TSNAXIP1: variants seen among roughly 807,000 people sequenced by gnomAD.
The protein encoded by TSNAXIP1 is translin-associated factor X-interacting protein 1.
TSNAXIP1 carries 89 observed loss-of-function variants against 84.8 expected under a neutral mutation model. The observed-to-expected ratio is 1.05, with a 90% CI of 0.88 to 1.25. TSNAXIP1 has a LOEUF of 1.25. Ranked by LOEUF, TSNAXIP1 falls within the 50% of genes most tolerant of loss-of-function variation. The pLI is 0.00. For missense variants in TSNAXIP1, 874 were observed against 887.6 expected, an observed-to-expected ratio of 0.98 and a Z score of 0.20; for synonymous variants, 347 against 335.2, an observed-to-expected ratio of 1.04 and a Z score of -0.39.
intron 15 of TSNAXIP1, 59 bp downstream of exon 15, chr16:67,827,638 C>A: frequency 1.2e-6 from 2 of 1,611,488 alleles, no homozygotes; most frequent in East Asian, 2.2e-5. Flanking sequence ...GCCCCTGGGT[C>A]TCCCTGTGCA....
Position 67,823,654 on chromosome 16 carries a change from T to C in TSNAXIP1, c.416T>C (p.Ile139Thr), listed in dbSNP as rs749835290. The change falls in exon 5 of 16, where the codon ATA becomes ACA. Residue 139 changes from isoleucine (I) to threonine (T), a missense_variant. Transcript: ENST00000561639. ...TACAGAGAGATCTTTGAGTTCTTCA[T>C]AGAGGACTTCAAAACGTACAAGCCA... ...QPYREIFEFF[I>T]EDFKTYKPLL... 15 of 1,613,786 alleles carry C rather than the reference T, an allele frequency of 9.3e-6. No individual in the cohort carries two copies. Among genetic ancestry groups the C allele is most frequent in the African/African-American group, 2.7e-5 (2 of 74,896 alleles).
rs756337411 is a variant in TSNAXIP1, at chr16:67,826,116, T to G, written c.1145-36T>G. The G allele has an allele frequency of 2.4e-5, 39 of 1,613,194 alleles. No homozygotes were observed. The African/African-American group carries it at 3.6e-4, about 15-fold the overall frequency. On this transcript the variant is annotated intron_variant, in intron 9 of 15. Coordinates refer to ENST00000561639, the MANE Select transcript of TSNAXIP1 (RefSeq NM_001288990.3). ...CAGGGCCCCAGGTCCTGCTTACATGTGGGCCCAGACTCCAGCTCCCTCTCC... is the reference window on the plus strand; with the variant it reads ...CAGGGCCCCAGGTCCTGCTTACATGGGGGCCCAGACTCCAGCTCCCTCTCC...
chr16:67,826,720 A>G lies in TSNAXIP1; in HGVS notation c.1430A>G (p.Asn477Ser), dbSNP rs1218035915. Residue 477 changes from asparagine (N) to serine (S), a missense_variant, in exon 12 of 16, where the codon AAT becomes AGT. Transcript: ENST00000561639. ...GAGACGTTCCCAGATTTCTTCTTCA[A>G]TTTCCTGGAGCATCGCTTTGGGCCC... is the stretch of plus-strand genomic sequence containing the variant. The part of the protein sequence containing the change: ...QKETFPDFFF[N>S]FLEHRFGPSD... The G allele has an allele frequency of 3.7e-6, 6 of 1,613,604 alleles. No individual in the cohort carries two copies. In the Admixed American group the frequency reaches 5.0e-5, roughly 13 times the overall value.
intron 7 of TSNAXIP1, 145 bp downstream of exon 7, chr16:67,825,417 G>A (rs1376292701): frequency 2.4e-6 from 3 of 1,252,454 alleles, no homozygotes; most frequent in Non-Finnish European, 2.2e-6. Flanking sequence ...GCCTCCCGCA[G>A]GGCTGTGTAT....
intron 2 of TSNAXIP1, among the ~76,000 whole-genome samples, chr16:67,816,985 G>A (rs1221503419): frequency 6.9e-6 from 1 of 145,508 alleles, no homozygotes; most frequent in Non-Finnish European, 1.5e-5. Context: ...TTTATTTTTT[G>A]AGACGGAGCC....
intron 4 of TSNAXIP1, among the ~76,000 whole-genome samples, chr16:67,822,090 A>G (rs1361070133): frequency 1.3e-5 from 2 of 151,678 alleles, no homozygotes; most frequent in African/African-American, 2.4e-5. Flanking sequence ...CATCCTGGCT[A>G]ACATGGTGAA....
chr16:67,818,743 G>A (rs947670319), intron 2 of TSNAXIP1, among the ~76,000 whole-genome samples: 1 of 145,004 alleles, frequency 6.9e-6, no homozygotes, highest in Non-Finnish European at 1.5e-5. Flanking sequence ...TCTCTCTGTC[G>A]CCCAGACTGG....
chr16:67,823,828 C>T (rs2057247762), intron 5 of TSNAXIP1, 109 bp downstream of exon 5: 1 of 862,434 alleles, frequency 1.2e-6, no homozygotes, highest in African/African-American at 1.7e-5. Flanking sequence ...ACCAGCCTGG[C>T]CAACATGGTG....
At position 67,827,778 on chromosome 16, in the gene TSNAXIP1, C is replaced by A. The variant is rs1378999761; in HGVS notation, c.1924C>A (p.Leu642Met). The A allele has an allele frequency of 6.2e-7, 1 of 1,614,136 alleles. No homozygotes were observed. The highest frequency in any genetic ancestry group is 1.7e-5 in the Admixed American group (1 of 60,014). Reference protein sequence around the residue: ...ELHEEVTLPKLRGGLMTIDPS... With the variant: ...ELHEEVTLPKMRGGLMTIDPS... ...CCATGAGGAAGTGACTCTGCCCAAGCTGCGAGGGGGCCTGATGACCATCGA... is the reference window on the plus strand; with the variant it reads ...CCATGAGGAAGTGACTCTGCCCAAGATGCGAGGGGGCCTGATGACCATCGA... The change falls in exon 16 of 16, where the codon CTG (leucine) becomes ATG (methionine). Residue 642 changes from leucine to methionine, a missense_variant. By Grantham distance (15) the Leu-to-Met change is conservative. Transcript: ENST00000561639.
chr16:67,818,350 C>T (rs1464483333), intron 2 of TSNAXIP1, among the ~76,000 whole-genome samples: 7 of 152,044 alleles, frequency 4.6e-5, no homozygotes, highest in African/African-American at 1.7e-4. Flanking sequence ...TTCATCTCTA[C>T]AAAAAAGATT....
chr16:67,807,263 T>G, intron 1 of TSNAXIP1, 67 bp downstream of exon 1: 1 of 1,535,610 alleles, frequency 6.5e-7, no homozygotes, highest in Non-Finnish European at 8.7e-7. Flanking sequence ...AAATGGCACT[T>G]GATCCGGACC....
At chr16:67,823,862 CAAA>C in intron 5 of TSNAXIP1, 143 bp downstream of exon 5, 3 of 595,998 alleles carry the variant, frequency 5.0e-6, no homozygotes, top group Non-Finnish European at 2.9e-6. Context: ...AGTAAAAACA[CAAA>C]AAAATTAGCT....
In TSNAXIP1 at chr16:67,813,731, C is replaced by CAAAAAA. The variant is rs373627128; in HGVS notation, c.48-552_48-547dup. ...TGGGTGACAGGGTAAGACTCCGTCT[C>CAAAAAA]AAAAAAAAAAAAAAAAAAAAAAAAG... is the stretch of plus-strand genomic sequence containing the variant. On this transcript the variant is annotated intron_variant, in intron 1 of 15. Transcript: ENST00000561639. Among the ~76,000 whole-genome samples the CAAAAAA allele has an allele frequency of 2.9e-4, 12 of 41,200 alleles. 1 individual carries two copies. Among genetic ancestry groups the CAAAAAA allele is most frequent in the South Asian group, 1.1e-3 (1 of 924 alleles). The allele number at this position is 41,200 out of a possible 152,430, so 27.0% of individuals were successfully genotyped here.
In TSNAXIP1 at chr16:67,822,290, A is replaced by G. The variant is rs1323583578; in HGVS notation, c.387+1065A>G. ...TGAGACTCCATCTCAAAAAAAAAAA[A>G]AAAAAAAGAAAACGCCAGTGAGCAG... On this transcript the variant is annotated intron_variant, in intron 4 of 15. Transcript: ENST00000561639. 2.6e-5 allele frequency among the ~76,000 whole-genome samples: 4 copies of G among 151,788 alleles called. No individual in the cohort carries two copies. In the South Asian group the frequency reaches 6.2e-4, roughly 24 times the overall value.
Position 67,825,890 on chromosome 16 carries a change from G to A in TSNAXIP1, c.985-27G>A, listed in dbSNP as rs1435709740. The stretch of plus-strand genomic sequence containing the variant: ...GTAGGACGGGGTCTCACAGGTGGGG[G>A]GCCAGGGCCAATGTCCTTGCCCACA... On this transcript the variant is annotated intron_variant, in intron 8 of 15. Transcript: ENST00000561639. The A allele has an allele frequency of 3.1e-6, 5 of 1,614,032 alleles. No homozygotes were observed. In the South Asian group the frequency reaches 3.3e-5, roughly 11 times the overall value.
chr16:67,808,683 T>TG (rs1228182680), intron 1 of TSNAXIP1, among the ~76,000 whole-genome samples: 1 of 151,604 alleles, frequency 6.6e-6, no homozygotes, highest in Non-Finnish European at 1.5e-5. Flanking sequence ...GGGCAGAGGT[T>TG]GCAGTGAGCC....
intron 1 of TSNAXIP1, 45 bp downstream of exon 1, chr16:67,807,241 T>C: frequency 2.6e-6 from 4 of 1,535,890 alleles, no homozygotes; most frequent in South Asian, 1.2e-5. Flanking sequence ...GTTTGAGTAC[T>C]TCTAGAGAGG....
intron 2 of TSNAXIP1, among the ~76,000 whole-genome samples, chr16:67,814,759 G>A (rs946662975): frequency 1.3e-5 from 2 of 152,114 alleles, no homozygotes; most frequent in Non-Finnish European, 2.9e-5. Flanking sequence ...TACCTGCTGG[G>A]ACGGTCACAC....
rs528122491 is a variant in TSNAXIP1 at position 67,825,558 on chromosome 16, A to G, written c.815-109A>G. On this transcript the variant is annotated intron_variant, in intron 7 of 15. Coordinates refer to ENST00000561639, the MANE Select transcript of TSNAXIP1 (RefSeq NM_001288990.3). ...CTTTAGCCTGAAACCCTAGGCTGGT[A>G]GTGCTGTGGGCAAGAACCAGGGAAC... 5.0e-6 allele frequency: 7 copies of G among 1,413,250 alleles called. No homozygotes were observed. The South Asian group carries it at 5.5e-5, about 11-fold the overall frequency. The allele number at this position is 1,413,250 out of a possible 1,614,324, so 87.5% of individuals were successfully genotyped here.
Sources: allele counts gnomAD v4.1 joint callset (sites outside exome capture counted in the v4.1 genomes callset), GRCh38; gene constraint gnomAD v4.1.1; transcripts MANE v1.5; gene names NCBI Gene and HGNC (gene_info 2026-07-23, HGNC 2026-07-21).